The following ACSS2 variants were observed in gnomAD, a reference collection of about 807,000 sequenced individuals.
The protein encoded by ACSS2 is acyl-CoA synthetase short chain family member 2.
Under a neutral mutation model 90.6 loss-of-function variants are expected in ACSS2, and 58 were observed. The observed-to-expected ratio is 0.64, with a 90% CI of 0.52 to 0.80. The LOEUF (loss-of-function observed/expected upper bound fraction) is 0.80. Among genes scored for constraint, ACSS2 ranks in the 30% least tolerant of loss-of-function variants. The pLI, the probability that ACSS2 is intolerant of heterozygous loss-of-function variation, is 0.00. For missense variants in ACSS2, 759 were observed against 912.0 expected, an observed-to-expected ratio of 0.83 and a Z score of 2.16; for synonymous variants, 300 against 330.9, an observed-to-expected ratio of 0.91 and a Z score of 1.01.
In ACSS2 at chr20:34,923,393, A is replaced by C. The variant is rs1465824587; in HGVS notation, c.1619A>C (p.Tyr540Ser). 2 of 1,614,214 alleles carry C rather than the reference A, an allele frequency of 1.2e-6. No homozygotes were observed. Among genetic ancestry groups the C allele is most frequent in the Admixed American group, 3.3e-5 (2 of 60,028 alleles). ...YGNHERFETT[Y>S]FKKFPGYYVT... ...AACCACGAACGCTTTGAGACAACCT[A>C]CTTTAAGAAGTTTCCTGGATACTAT... Residue 540 changes from tyrosine to serine, a missense_variant, in exon 14 of 18, where the codon TAC becomes TCC. Physicochemically the swap from Tyr to Ser is moderately radical, Grantham distance 144. Coordinates refer to ENST00000360596, the MANE Select transcript of ACSS2 (RefSeq NM_018677.4).
intron 2 of ACSS2, among the ~76,000 whole-genome samples, chr20:34,887,208 G>A (rs964709013): frequency 1.3e-5 from 2 of 152,200 alleles, no homozygotes; most frequent in African/African-American, 4.8e-5. Flanking sequence ...ACACCTGTTT[G>A]AAGACAGAAC....
At position 34,926,922 on chromosome 20, in the gene ACSS2, A is replaced by T; in HGVS notation, c.1949A>T (p.Asn650Ile). The change falls in exon 17 of 18, where the codon AAT becomes ATT. Residue 650 changes from asparagine (N) to isoleucine (I), a missense_variant. Physicochemically the swap from Asn to Ile is moderately radical, Grantham distance 149. Transcript: ENST00000360596. ...ATTGCCACACCAGACTACATCCAGA[A>T]TGCACCTGGCTTGCCTAAAACCCGC... ...GPIATPDYIQ[N>I]APGLPKTRSG... 1 of 1,614,186 alleles carries T rather than the reference A, an allele frequency of 6.2e-7. No individual in the cohort carries two copies. Among genetic ancestry groups the T allele is most frequent in the African/African-American group, 1.3e-5 (1 of 75,042 alleles).
intron 1 of ACSS2, among the ~76,000 whole-genome samples, chr20:34,878,895 C>CTTTTTT (rs11299664): frequency 1.6e-4 from 21 of 128,480 alleles, no homozygotes; most frequent in Non-Finnish European, 2.8e-4. Flanking sequence ...TTCTGCTTTT[C>CTTTTTT]TTTTTTTTTT....
At chr20:34,919,647 C>T in intron 8 of ACSS2, 75 bp downstream of exon 8, 1 of 1,496,972 alleles carries the variant, frequency 6.7e-7, no homozygotes, top group Non-Finnish European at 9.0e-7. Flanking sequence ...AAGTAAGTTT[C>T]TGAGGAAACA....
chr20:34,913,588 AAACT>A, intron 4 of ACSS2, 92 bp downstream of exon 4: 2 of 1,331,846 alleles, frequency 1.5e-6, no homozygotes, highest in South Asian at 2.5e-5. Context: ...CTTAAATAAC[AAACT>A]AAGGAGCTTA....
intron 2 of ACSS2, among the ~76,000 whole-genome samples, chr20:34,899,410 CTTTCTTTCT>C (rs2080574177): frequency 1.8e-5 from 1 of 57,132 alleles, no homozygotes; most frequent in Non-Finnish European, 3.1e-5. Flanking sequence ...TTCCTTCTTT[CTTTCTTTCT>C]TTCTTTCCTT....
chr20:34,902,028 GT>G (rs202022847), intron 2 of ACSS2, among the ~76,000 whole-genome samples: 8 of 148,792 alleles, frequency 5.4e-5, no homozygotes, highest in East Asian at 3.9e-4. Flanking sequence ...TAACAGAAAG[GT>G]TTTTTTTTTA....
upstream of ACSS2, chr20:34,876,483 G>A (rs1182357743): frequency 1.4e-6 from 1 of 724,378 alleles, no homozygotes; most frequent in African/African-American, 1.8e-5. Flanking sequence ...AACCAGACAC[G>A]GCCCCGCCCC....
Position 34,926,282 on chromosome 20 carries a change from G to A in ACSS2, c.1903+1G>A, listed in dbSNP as rs2081317083. 1 of 1,613,864 alleles carries A rather than the reference G, an allele frequency of 6.2e-7. No homozygotes were observed. The highest frequency in any genetic ancestry group is 8.5e-7 in the Non-Finnish European group (1 of 1,179,810). On this transcript the variant is annotated splice_donor_variant, in intron 16 of 17. Transcript: ENST00000360596. LOFTEE classifies it high-confidence loss of function. Reference sequence around the variant, plus strand: ...CTCACCGAGGAGCTCAAGAAGCAGAGTAAGGAGCCTCCCTGGGCAGGGACT... The same window carrying A: ...CTCACCGAGGAGCTCAAGAAGCAGAATAAGGAGCCTCCCTGGGCAGGGACT...
intron 2 of ACSS2, among the ~76,000 whole-genome samples, chr20:34,905,406 G>A (rs1026266674): frequency 6.6e-6 from 1 of 151,992 alleles, no homozygotes; most frequent in Admixed American, 6.6e-5. Flanking sequence ...CCGAGTAGCT[G>A]GGACTACAGG....
At chr20:34,916,300 A>G (rs1483756974) in intron 7 of ACSS2, among the ~76,000 whole-genome samples, 1 of 152,218 alleles carries the variant, frequency 6.6e-6, no homozygotes, top group Non-Finnish European at 1.5e-5. Flanking sequence ...GCTGCTGTGT[A>G]AACTTGAACA....
At chr20:34,885,132 G>A (rs1002688952) in intron 2 of ACSS2, among the ~76,000 whole-genome samples, 6 of 151,940 alleles carry the variant, frequency 3.9e-5, no homozygotes, top group South Asian at 2.1e-4. Flanking sequence ...CCCAGGAGGC[G>A]GAGGTTGCAG....
At chr20:34,885,406 C>G (rs892767843) in intron 2 of ACSS2, among the ~76,000 whole-genome samples, 3 of 152,084 alleles carry the variant, frequency 2.0e-5, no homozygotes, top group Non-Finnish European at 4.4e-5. Flanking sequence ...CACCAGTTCC[C>G]CTACCACCCT....
rs749195016 is a variant in ACSS2 at position 34,921,459 on chromosome 20, G to A, written c.1407G>A (p.Glu469=). ...TCGTGGACACCTTCTGGCAAACAGAGACAGTGAGTGAAGGGTACAGAAGGC... is the reference window on the plus strand; with the variant it reads ...TCGTGGACACCTTCTGGCAAACAGAAACAGTGAGTGAAGGGTACAGAAGGC... ...CPIVDTFWQT[E]TGGHMLTPLP... Residue 469 remains glutamate, a synonymous_variant, in exon 11 of 18, where the codon GAG becomes GAA. Coordinates refer to ENST00000360596, the MANE Select transcript of ACSS2 (RefSeq NM_018677.4). 39 of 1,614,134 alleles carry A rather than the reference G, an allele frequency of 2.4e-5. No individual in the cohort carries two copies. Among genetic ancestry groups the A allele is most frequent in the South Asian group, 3.3e-5 (3 of 91,090 alleles).
At chr20:34,914,709 T>C (rs969148688) in intron 7 of ACSS2, among the ~76,000 whole-genome samples, 3 of 152,174 alleles carry the variant, frequency 2.0e-5, no homozygotes, top group African/African-American at 7.2e-5. Flanking sequence ...GCACAGGGGA[T>C]CCTCAGGGCC....
At chr20:34,908,957 C>A in intron 2 of ACSS2, 1 of 438,278 alleles carries the variant, frequency 2.3e-6, no homozygotes, top group Non-Finnish European at 4.5e-6. Flanking sequence ...AGTAAAGTGA[C>A]ATAAAAATAA....
chr20:34,890,117 G>T (rs2080297096), intron 2 of ACSS2, among the ~76,000 whole-genome samples: 1 of 152,118 alleles, frequency 6.6e-6, no homozygotes, highest in Non-Finnish European at 1.5e-5. Flanking sequence ...GGCAGAAAGT[G>T]TATTAGCTAT....
At chr20:34,909,722 T>TC (rs1320154281) in intron 2 of ACSS2, among the ~76,000 whole-genome samples, 1 of 151,520 alleles carries the variant, frequency 6.6e-6, no homozygotes, top group East Asian at 1.9e-4. Flanking sequence ...AAAATCCTTT[T>TC]TTTTTTTTTT....
chr20:34,886,721 C>T (rs188492387), intron 2 of ACSS2, among the ~76,000 whole-genome samples: 65 of 152,320 alleles, frequency 4.3e-4, no homozygotes, highest in South Asian at 2.9e-3. Flanking sequence ...ATCTCACTAT[C>T]ATATGAAATC....
Sources: allele counts gnomAD v4.1 joint callset (sites outside exome capture counted in the v4.1 genomes callset), GRCh38; gene constraint gnomAD v4.1.1; transcripts MANE v1.5; gene names NCBI Gene and HGNC (gene_info 2026-07-23, HGNC 2026-07-21).